The following ZBBX variants were observed in gnomAD, a reference collection of about 807,000 sequenced individuals.
The protein encoded by ZBBX is zinc finger B-box domain containing.
ZBBX carries 101 observed loss-of-function variants against 108.5 expected under a neutral mutation model. The observed-to-expected ratio is 0.93, with a 90% CI of 0.79 to 1.10. The LOEUF is 1.10. Among genes scored for constraint, ZBBX ranks in the 50% least tolerant of loss-of-function variants. The pLI is 0.00. For synonymous variants in ZBBX, 356 were observed against 323.4 expected (o/e 1.10, Z -1.08); for missense variants, 1,009 against 941.4 (o/e 1.07, Z -0.94).
At chr3:167,226,782 A>T in the ZBBX span, among the ~76,000 whole-genome samples, 3 of 151,640 alleles carry the variant, frequency 2.0e-5, no homozygotes, top group African/African-American at 7.3e-5. Context: ...TAGCTCCCCA[A>T]CCATCATGTG....
chr3:167,191,924 T>G, the ZBBX span, among the ~76,000 whole-genome samples: 28,983 of 125,518 alleles, frequency 0.23, 4,645 homozygotes, highest in Non-Finnish European at 0.27. Context: ...TATATATATA[T>G]ATATATATAT....
chr3:167,212,942 A>T, the ZBBX span, among the ~76,000 whole-genome samples: 4 of 152,110 alleles, frequency 2.6e-5, no homozygotes, highest in Non-Finnish European at 5.9e-5. Flanking sequence ...TCACCAACAT[A>T]CCATCCCTCT....
chr3:167,214,009 C>T, the ZBBX span, among the ~76,000 whole-genome samples: 2 of 152,104 alleles, frequency 1.3e-5, no homozygotes, highest in African/African-American at 4.8e-5. Context: ...ACCAGAAGAC[C>T]TGTTTCCACA....
chr3:167,324,918 C>T (rs1034643431), intron 11 of ZBBX, among the ~76,000 whole-genome samples: 2 of 152,114 alleles, frequency 1.3e-5, no homozygotes, highest in African/African-American at 4.8e-5. Context: ...TACAAAATGG[C>T]AGGGAAATTA....
the ZBBX span, among the ~76,000 whole-genome samples, chr3:167,181,399 T>C: frequency 6.6e-6 from 1 of 152,184 alleles, no homozygotes. Context: ...ATACAAAATA[T>C]AACTACTTTA....
chr3:167,254,733 T>C (rs1723173770), intron 20 of ZBBX, among the ~76,000 whole-genome samples: 1 of 152,090 alleles, frequency 6.6e-6, no homozygotes, highest in African/African-American at 2.4e-5. Context: ...GGTAATGTAC[T>C]CTACAGACAG....
chr3:167,302,820 C>T (rs1043244031), intron 17 of ZBBX, among the ~76,000 whole-genome samples: 2 of 152,196 alleles, frequency 1.3e-5, no homozygotes, highest in African/African-American at 2.4e-5. Context: ...AGCCACGTGA[C>T]ATCTGCACAT....
intron 20 of ZBBX, among the ~76,000 whole-genome samples, chr3:167,271,052 G>T (rs533212946): frequency 6.6e-6 from 1 of 152,314 alleles, no homozygotes; most frequent in East Asian, 1.9e-4. Context: ...TGAAGAAATA[G>T]AGTCAGGCAA....
the ZBBX span, among the ~76,000 whole-genome samples, chr3:167,196,055 A>G: frequency 6.6e-6 from 1 of 152,154 alleles, no homozygotes; most frequent in African/African-American, 2.4e-5. Flanking sequence ...GCCACTATAC[A>G]TTCTTCTGCA....
chr3:167,262,512 A>G (rs1379597223), intron 20 of ZBBX, among the ~76,000 whole-genome samples: 2 of 151,974 alleles, frequency 1.3e-5, no homozygotes, highest in African/African-American at 2.4e-5. Context: ...TTATATTGGG[A>G]GACATTTTTG....
intron 9 of ZBBX, among the ~76,000 whole-genome samples, chr3:167,345,795 C>A (rs544324919): frequency 6.6e-6 from 1 of 151,800 alleles, no homozygotes; most frequent in South Asian, 2.1e-4. Flanking sequence ...GGAGGCATCA[C>A]GCTACCTGAC....
At chr3:167,379,082 T>C (rs1342234187) in intron 2 of ZBBX, among the ~76,000 whole-genome samples, 1 of 152,220 alleles carries the variant, frequency 6.6e-6, no homozygotes, top group Non-Finnish European at 1.5e-5. Flanking sequence ...ATTTTTTTTC[T>C]ACTGCTTTTA....
chr3:167,208,297 T>G, the ZBBX span, among the ~76,000 whole-genome samples: 3 of 152,220 alleles, frequency 2.0e-5, no homozygotes, highest in Non-Finnish European at 2.9e-5. Flanking sequence ...GCCAGTGGAC[T>G]TGGGGGCATG....
At chr3:167,313,826 T>C (rs1021982617) in intron 16 of ZBBX, 148 bp downstream of exon 16, 5 of 698,450 alleles carry the variant, frequency 7.2e-6, no homozygotes, top group South Asian at 3.8e-5. Flanking sequence ...GCATATTTAC[T>C]AGAAAATTAT....
At chr3:167,212,417 C>G in the ZBBX span, among the ~76,000 whole-genome samples, 1 of 152,176 alleles carries the variant, frequency 6.6e-6, no homozygotes, top group Non-Finnish European at 1.5e-5. Flanking sequence ...GCCACTGCCT[C>G]TGCAGTGGAA....
At chr3:167,273,287 A>C (rs1441350218) in intron 20 of ZBBX, among the ~76,000 whole-genome samples, 1 of 152,214 alleles carries the variant, frequency 6.6e-6, no homozygotes, top group African/African-American at 2.4e-5. Flanking sequence ...ATTAAATAAA[A>C]GCAATTGTTA....
At chr3:167,316,857 C>T in intron 14 of ZBBX, 148 bp downstream of exon 14, 1 of 468,250 alleles carries the variant, frequency 2.1e-6, no homozygotes. Context: ...TTCTTATAAG[C>T]ATATTTAAAC....
chr3:167,292,416 T>C (rs1301276039), intron 18 of ZBBX, among the ~76,000 whole-genome samples: 1 of 152,188 alleles, frequency 6.6e-6, no homozygotes, highest in Non-Finnish European at 1.5e-5. Context: ...ACTGCACGAC[T>C]ACATGAAAAC....
chr3:167,406,015 G>A (rs553441149), intron 1 of ZBBX, among the ~76,000 whole-genome samples: 15 of 152,178 alleles, frequency 9.9e-5, no homozygotes, highest in African/African-American at 3.4e-4. Context: ...GCAGTGAGCC[G>A]ATAGTGCCAT....
Sources: allele counts gnomAD v4.1 joint callset (sites outside exome capture counted in the v4.1 genomes callset), GRCh38; gene constraint gnomAD v4.1.1; transcripts MANE v1.5; gene names NCBI Gene and HGNC (gene_info 2026-07-23, HGNC 2026-07-21).